Variants in PTPRT observed in about 807,000 individuals in gnomAD.
The protein encoded by PTPRT is protein tyrosine phosphatase receptor type T.
A neutral mutation model predicts 176.8 loss-of-function variants in PTPRT; 56 were observed. The observed-to-expected ratio is 0.32, with a 90% confidence interval of 0.26 to 0.40. The LOEUF (loss-of-function observed/expected upper bound fraction) is 0.40, where lower values mean the gene tolerates loss of function less well. Among genes scored for constraint, PTPRT ranks in the 10% least tolerant of loss-of-function variants. PTPRT has a pLI of 1.00. For missense variants in PTPRT, 1,540 were observed against 1,908.2 expected (o/e 0.81, Z 3.60); for synonymous variants, 783 against 739.0 (o/e 1.06, Z -0.96).
At chr20:42,851,102 G>C (rs1451131214) in intron 2 of PTPRT, among the ~76,000 whole-genome samples, 5 of 152,114 alleles carry the variant, frequency 3.3e-5, no homozygotes, top group Non-Finnish European at 7.4e-5. Context: ...AAACATCCAA[G>C]ATACTAGTCT....
At chr20:42,520,841 GTAGATAGATAGA>G (rs57774363) in intron 7 of PTPRT, among the ~76,000 whole-genome samples, 1,951 of 143,846 alleles carry the variant, frequency 0.014, 18 homozygotes, top group African/African-American at 0.016. Flanking sequence ...GGGTGTGTGT[GTAGATAGATAGA>G]TAGATAGATA....
intron 7 of PTPRT, among the ~76,000 whole-genome samples, chr20:42,570,622 A>G (rs1162241187): frequency 2.0e-5 from 3 of 152,146 alleles, no homozygotes; most frequent in East Asian, 3.9e-4. Flanking sequence ...TCATCTTTAT[A>G]TCTCTTGGTA....
intron 14 of PTPRT, among the ~76,000 whole-genome samples, chr20:42,246,606 C>T (rs184547371): frequency 8.5e-5 from 13 of 152,240 alleles, no homozygotes; most frequent in Admixed American, 2.0e-4. Context: ...TTTCCTCCCT[C>T]CCAAAAAGTC....
At chr20:43,102,765 T>C (rs898464434) in intron 1 of PTPRT, among the ~76,000 whole-genome samples, 1 of 152,166 alleles carries the variant, frequency 6.6e-6, no homozygotes, top group Admixed American at 6.5e-5. Flanking sequence ...GAGCCCCTGG[T>C]TAACCCTCTT....
At chr20:42,070,844 T>G (rs990248579), downstream of PTPRT, among the ~76,000 whole-genome samples, 3 of 152,232 alleles carry the variant, frequency 2.0e-5, no homozygotes, top group African/African-American at 4.8e-5. Context: ...AATTTCCATT[T>G]TGGGGAAAGA....
intron 2 of PTPRT, among the ~76,000 whole-genome samples, chr20:42,855,256 G>T (rs1401438650): frequency 6.6e-6 from 1 of 152,008 alleles, no homozygotes; most frequent in East Asian, 1.9e-4. Flanking sequence ...ATGGTGGTTT[G>T]CACACCATTT....
chr20:42,372,525 T>C (rs1028559703), intron 9 of PTPRT, among the ~76,000 whole-genome samples: 1 of 152,012 alleles, frequency 6.6e-6, no homozygotes, highest in Non-Finnish European at 1.5e-5. Context: ...CCTCAAGTGG[T>C]CCACCCACCT....
chr20:42,985,521 T>A (rs935111040), intron 1 of PTPRT, among the ~76,000 whole-genome samples: 2 of 151,942 alleles, frequency 1.3e-5, no homozygotes, highest in Non-Finnish European at 2.9e-5. Flanking sequence ...AAAGTGGGGA[T>A]ACAGTGGCCA....
At chr20:42,182,574 G>A (rs1358107406) in intron 16 of PTPRT, among the ~76,000 whole-genome samples, 3 of 152,104 alleles carry the variant, frequency 2.0e-5, no homozygotes, top group Non-Finnish European at 4.4e-5. Flanking sequence ...TGTCATGTCT[G>A]TACATCAGTG....
chr20:42,064,185 T>C, the PTPRT span, among the ~76,000 whole-genome samples: 1 of 152,122 alleles, frequency 6.6e-6, no homozygotes, highest in Non-Finnish European at 1.5e-5. Flanking sequence ...TATGTGGTGT[T>C]AATTATTGTA....
At chr20:42,346,371 G>T (rs2058195149) in intron 11 of PTPRT, among the ~76,000 whole-genome samples, 1 of 152,190 alleles carries the variant, frequency 6.6e-6, no homozygotes, top group South Asian at 2.1e-4. Flanking sequence ...TCACACATCA[G>T]TGTGACAGGT....
At chr20:42,617,602 T>C (rs2074107235) in intron 7 of PTPRT, among the ~76,000 whole-genome samples, 1 of 137,996 alleles carries the variant, frequency 7.2e-6, no homozygotes. Flanking sequence ...TATTGATTAT[T>C]GCCACAATTT....
chr20:43,170,279 G>A (rs780993198), intron 1 of PTPRT, among the ~76,000 whole-genome samples: 11 of 151,972 alleles, frequency 7.2e-5, no homozygotes, highest in Non-Finnish European at 1.6e-4. Flanking sequence ...TTCATGTTAT[G>A]CTCACAACCA....
intron 27 of PTPRT, among the ~76,000 whole-genome samples, chr20:42,087,739 G>C (rs928987595): frequency 6.6e-5 from 10 of 151,340 alleles, no homozygotes; most frequent in African/African-American, 1.5e-4. Flanking sequence ...CGGGTATGGT[G>C]GTGGGCACCT....
intron 11 of PTPRT, among the ~76,000 whole-genome samples, chr20:42,335,711 GAA>G (rs1304599182): frequency 1.3e-5 from 2 of 152,090 alleles, no homozygotes; most frequent in African/African-American, 2.4e-5. Context: ...AAGAAAAGGG[GAA>G]AAAGAGTATT....
At chr20:42,314,933 C>T (rs566192187) in intron 12 of PTPRT, among the ~76,000 whole-genome samples, 8 of 61,430 alleles carry the variant, frequency 1.3e-4, no homozygotes, top group Admixed American at 1.1e-3. Context: ...AGCACTAATG[C>T]CAGTTAATTG....
chr20:42,310,423 A>C (rs1199485885), intron 12 of PTPRT, among the ~76,000 whole-genome samples: 1 of 152,160 alleles, frequency 6.6e-6, no homozygotes, highest in Non-Finnish European at 1.5e-5. Flanking sequence ...AAGGCTAACA[A>C]AGGAAAGAAC....
chr20:42,518,348 C>G (rs2072107448), intron 7 of PTPRT, among the ~76,000 whole-genome samples: 1 of 151,870 alleles, frequency 6.6e-6, no homozygotes, highest in African/African-American at 2.4e-5. Context: ...TTGGTCTCTT[C>G]TCAGATAATT....
intron 2 of PTPRT, among the ~76,000 whole-genome samples, chr20:42,829,017 T>TA (rs2078043601): frequency 6.7e-6 from 1 of 149,396 alleles, no homozygotes. Context: ...ACCATGTGCC[T>TA]GGAAAAATCA....
Sources: gnomAD v4.1 joint callset for allele counts (sites outside exome capture counted in the v4.1 genomes callset) on GRCh38, gnomAD v4.1.1 for gene constraint, MANE v1.5 for transcripts, NCBI Gene and HGNC (gene_info 2026-07-23, HGNC 2026-07-21) for gene names.